The following KDSR variants were observed in gnomAD, a reference collection of about 807,000 sequenced individuals.
KDSR encodes the protein 3-dehydrosphinganine reductase.
A neutral mutation model predicts 41.3 loss-of-function variants in KDSR; 23 were observed. The observed-to-expected ratio is 0.56, with a 90% CI of 0.40 to 0.79. KDSR has a LOEUF of 0.79. Among genes scored for constraint, KDSR ranks in the 30% least tolerant of loss-of-function variants. KDSR has a pLI of 0.00. For missense variants in KDSR, 351 were observed against 416.8 expected (o/e 0.84, Z 1.37); for synonymous variants, 138 against 151.7 (o/e 0.91, Z 0.66).
At position 63,328,028 on chromosome 18, in the gene KDSR, G is replaced by C. The variant is rs698708; in HGVS notation, c.*3754C>G. On this transcript the variant is annotated 3_prime_UTR_variant, in exon 10 of 10. Transcript: ENST00000645214. ...GAATATGGAAGGTTCTGGTTGGCAG[G>C]TACTTTTTAAAGCTGACTTACTAAG... 0.3 allele frequency: 59,155 copies of C among 200,294 alleles called. 9,319 individuals carry two copies. Among genetic ancestry groups the C allele is most frequent in the African/African-American group, 0.41 (17,852 of 43,436 alleles). 12.4% of individuals were successfully genotyped at this position (200,294 alleles called of 1,614,324 possible). A position where few individuals can be genotyped will look rare whatever the true frequency, so the allele number is the denominator to read the frequency against.
At chr18:63,347,422 G>T (rs1454484496) in intron 6 of KDSR, among the ~76,000 whole-genome samples, 10 of 146,812 alleles carry the variant, frequency 6.8e-5, no homozygotes, top group African/African-American at 2.5e-4. Flanking sequence ...CTTGAACCAG[G>T]GAGGCAGAGG....
rs1317536627 is a variant in KDSR at position 63,328,836 on chromosome 18, AAAAT to A, written c.*2942_*2945del. The A allele has an allele frequency of 1.1e-5, 2 of 185,792 alleles. No individual in the cohort carries two copies. The highest frequency in any genetic ancestry group is 2.3e-5 in the African/African-American group (1 of 42,694). The allele number at this position is 185,792 out of a possible 1,614,324, so 11.5% of individuals were successfully genotyped here. Reference sequence around the variant, plus strand: ...AATATACTTGCAAATACATTATAATAAAATAATACAACCAAATCAAAAAGCAGCC... The same window carrying A: ...AATATACTTGCAAATACATTATAATAAATACAACCAAATCAAAAAGCAGCC... On this transcript the variant is annotated 3_prime_UTR_variant, in exon 10 of 10. Coordinates refer to ENST00000645214, the MANE Select transcript of KDSR (RefSeq NM_002035.4).
chr18:63,348,108 G>A (rs1054677445), intron 6 of KDSR, among the ~76,000 whole-genome samples: 7 of 151,870 alleles, frequency 4.6e-5, no homozygotes, highest in African/African-American at 1.7e-4. Flanking sequence ...GCAACATAGC[G>A]AGCGAGACCC....
intron 2 of KDSR, among the ~76,000 whole-genome samples, chr18:63,360,404 CT>C (rs1212701300): frequency 2.0e-5 from 3 of 152,254 alleles, no homozygotes; most frequent in Non-Finnish European, 2.9e-5. Flanking sequence ...TCTTAATTTG[CT>C]GTAAAAAGTA....
intron 6 of KDSR, 141 bp from the exon 7 acceptor site, chr18:63,344,634 T>TTGCATTGAGAAACCCCTTCTACA: frequency 3.5e-6 from 2 of 567,030 alleles, no homozygotes; most frequent in Non-Finnish European, 6.3e-6. Context: ...ACTACACCAA[T>TTGCATTGAGAAACCCCTTCTACA]TGCATTGAGA....
chr18:63,337,736 G>A (rs1914220250), intron 8 of KDSR, among the ~76,000 whole-genome samples: 1 of 152,102 alleles, frequency 6.6e-6, no homozygotes, highest in African/African-American at 2.4e-5. Flanking sequence ...AGACCAGCCT[G>A]GCCAACATGG....
rs568288959 is a variant in KDSR, at chr18:63,345,680, G to A, written c.610-1187C>T. On this transcript the variant is annotated intron_variant, in intron 6 of 9. Coordinates refer to ENST00000645214, the MANE Select transcript of KDSR (RefSeq NM_002035.4). ...GGGCCGGGGGCAGTGGCTCACACCT[G>A]TAATCCCAACATTTTGGGAGGCCGA... is the stretch of plus-strand genomic sequence containing the variant. The A allele has an allele frequency of 3.3e-5, 5 of 151,992 alleles. No homozygotes were observed. In the East Asian group the frequency reaches 5.8e-4, roughly 18 times the overall value. The allele number at this position is 151,992 out of a possible 1,614,324, so 9.4% of individuals were successfully genotyped here.
At chr18:63,356,366 ACC>A (rs1277809455) in intron 3 of KDSR, among the ~76,000 whole-genome samples, 3 of 151,766 alleles carry the variant, frequency 2.0e-5, no homozygotes, top group African/African-American at 7.3e-5. Flanking sequence ...GCCATTGCAC[ACC>A]AGCGTGGGCA....
chr18:63,366,974 C>A lies in KDSR; in HGVS notation c.108+37G>T, dbSNP rs201599061. 3.2e-4 allele frequency: 373 copies of A among 1,163,536 alleles called. 4 individuals carry two copies. In the African/African-American group the frequency reaches 5.0e-3, roughly 16 times the overall value. 72.1% of individuals were successfully genotyped at this position (1,163,536 alleles called of 1,614,324 possible). A position where few individuals can be genotyped will look rare whatever the true frequency, so the allele number is the denominator to read the frequency against. ...CTCGGCGGCGGAAAGGCCGCGCGGG[C>A]CGGTAAGTCGGGGGGCAGCAACAGG... On this transcript the variant is annotated intron_variant, in intron 1 of 9. Coordinates refer to ENST00000645214, the MANE Select transcript of KDSR (RefSeq NM_002035.4).
At chr18:63,359,868 A>G in intron 2 of KDSR, 76 bp from the exon 3 acceptor site, 1 of 994,862 alleles carries the variant, frequency 1.0e-6, no homozygotes, top group Non-Finnish European at 1.6e-6. Context: ...AGAGAAAAAA[A>G]GCAATTATTT....
chr18:63,359,044 T>G (rs1188324574), intron 3 of KDSR, among the ~76,000 whole-genome samples: 1 of 150,208 alleles, frequency 6.7e-6, no homozygotes, highest in East Asian at 2.0e-4. Context: ...CCATGCATGA[T>G]GGCACGTGTC....
chr18:63,359,814 T>C (rs962578644), intron 2 of KDSR, 22 bp from the exon 3 acceptor site: 7 of 1,565,478 alleles, frequency 4.5e-6, no homozygotes, highest in Non-Finnish European at 6.2e-6. Flanking sequence ...ACAGAATAAT[T>C]AGTCGTGATG....
intron 5 of KDSR, among the ~76,000 whole-genome samples, chr18:63,354,404 A>T (rs968543090): frequency 6.6e-6 from 1 of 152,238 alleles, no homozygotes; most frequent in Non-Finnish European, 1.5e-5. Flanking sequence ...CTGGTGGCTC[A>T]TGCCTGTACT....
rs771254281 is a variant in KDSR, at chr18:63,331,816, C to T, written c.965G>A (p.Arg322Lys). The T allele has an allele frequency of 1.2e-6, 2 of 1,613,970 alleles. No individual in the cohort carries two copies. The highest frequency in any genetic ancestry group is 1.7e-6 in the Non-Finnish European group (2 of 1,179,936). Residue 322 changes from arginine (R) to lysine (K), a missense_variant, in exon 10 of 10, where the codon AGA (arginine) becomes AAA (lysine). Coordinates refer to ENST00000645214, the MANE Select transcript of KDSR (RefSeq NM_002035.4). ...TTTGTCTGCATTTTCAGATTTTTCT[C>T]TCTGCATCATGCAGCGACGAACTAT... ...DSIVRRCMMQ[R>K]EKSENADKTA
chr18:63,343,683 G>A (rs1914413540), intron 7 of KDSR, among the ~76,000 whole-genome samples: 1 of 151,532 alleles, frequency 6.6e-6, no homozygotes, highest in African/African-American at 2.4e-5. Flanking sequence ...GCCACACTGT[G>A]CCTGGCCTGG....
Position 63,328,616 on chromosome 18 carries a change from T to C in KDSR, c.*3166A>G, listed in dbSNP as rs573449301. The C allele has an allele frequency of 5.6e-5, 9 of 161,418 alleles. No individual in the cohort carries two copies. The East Asian group carries it at 1.3e-3, about 23-fold the overall frequency. The allele number at this position is 161,418 out of a possible 1,614,324, so 10.0% of individuals were successfully genotyped here. ...ACCTCGTGATTCGCCTGTCTCAGCC[T>C]CCCAAAGTGCTGGGATTACTGGCGT... On this transcript the variant is annotated 3_prime_UTR_variant, in exon 10 of 10. Transcript: ENST00000645214.
intron 5 of KDSR, among the ~76,000 whole-genome samples, chr18:63,354,604 G>T (rs1914747563): frequency 6.6e-6 from 1 of 152,170 alleles, no homozygotes; most frequent in African/African-American, 2.4e-5. Flanking sequence ...AGAGGTGGAG[G>T]TTGCAGTGAG....
intron 5 of KDSR, among the ~76,000 whole-genome samples, chr18:63,352,376 G>A (rs1914681605): frequency 6.6e-6 from 1 of 152,182 alleles, no homozygotes; most frequent in Non-Finnish European, 1.5e-5. Context: ...GTACAGTGGT[G>A]TGATCTTGGC....
At chr18:63,357,942 C>T (rs960392050) in intron 3 of KDSR, among the ~76,000 whole-genome samples, 2 of 152,064 alleles carry the variant, frequency 1.3e-5, no homozygotes, top group Non-Finnish European at 2.9e-5. Flanking sequence ...CTTTCAGAGG[C>T]TGAGGCGGGC....
Sources: allele counts gnomAD v4.1 joint callset (sites outside exome capture counted in the v4.1 genomes callset), GRCh38; gene constraint gnomAD v4.1.1; transcripts MANE v1.5; gene names NCBI Gene and HGNC (gene_info 2026-07-23, HGNC 2026-07-21).